The following DYRK4 variants were observed in gnomAD, a reference collection of about 807,000 sequenced individuals.
DYRK4 encodes the protein dual specificity tyrosine phosphorylation regulated kinase 4, also known as dual specificity tyrosine-phosphorylation-regulated kinase 4.
Under a neutral mutation model 68.3 loss-of-function variants are expected in DYRK4, and 64 were observed. The ratio of observed to expected loss-of-function variants is 0.94; its 90% CI spans 0.77 to 1.15. The LOEUF is 1.15. DYRK4 is among the 50% of genes most tolerant of loss of function. The pLI is 0.00. For synonymous variants in DYRK4, 274 were observed against 289.9 expected (o/e 0.95, Z 0.56); for missense variants, 740 against 764.7 (o/e 0.97, Z 0.38).
At chr12:4,576,181 T>G (rs1444018484) in intron 2 of DYRK4, among the ~76,000 whole-genome samples, 1 of 152,228 alleles carries the variant, frequency 6.6e-6, no homozygotes, top group African/African-American at 2.4e-5. Flanking sequence ...CTATTCATCC[T>G]TTCCCCCCAA....
chr12:4,580,267 G>A (rs544453716), intron 2 of DYRK4, among the ~76,000 whole-genome samples: 69 of 152,240 alleles, frequency 4.5e-4, no homozygotes, highest in Non-Finnish European at 6.6e-4. Flanking sequence ...CCCCAGGGAG[G>A]CTACTACATC....
chr12:4,562,374 A>G (rs1591779007), intron 1 of DYRK4, 91 bp downstream of exon 1: 2 of 1,439,758 alleles, frequency 1.4e-6, no homozygotes, highest in Non-Finnish European at 1.8e-6. Context: ...TCGTGGGGGG[A>G]GAATGAAAAG....
Position 4,596,682 on chromosome 12 carries a change from C to G in DYRK4, c.858C>G (p.Asp286Glu). 1 of 1,614,216 alleles carries G rather than the reference C, an allele frequency of 6.2e-7. No individual in the cohort carries two copies. Among genetic ancestry groups the G allele is most frequent in the Non-Finnish European group, 8.5e-7 (1 of 1,180,048 alleles). ...DNTYNVVHMK[D>E]FFYFRNHFCI... ...CCTACAATGTGGTGCATATGAAGGA[C>G]TTTTTCTACTTTCGCAATCACTTCT... Residue 286 changes from aspartate (D) to glutamate (E), a missense_variant, in exon 8 of 15, where the codon GAC (aspartate) becomes GAG (glutamate). Transcript: ENST00000543431.
intron 8 of DYRK4, 87 bp downstream of exon 8, chr12:4,596,816 G>A: frequency 6.3e-7 from 1 of 1,584,200 alleles, no homozygotes; most frequent in Admixed American, 1.9e-5. Flanking sequence ...GATTTCTCTG[G>A]ATGTGAATAT....
At chr12:4,607,205 AT>A in intron 11 of DYRK4, 121 bp from the exon 12 acceptor site, 1 of 1,077,614 alleles carries the variant, frequency 9.3e-7, no homozygotes. Context: ...ACCAGATGTT[AT>A]TACTTAATGC....
intron 2 of DYRK4, among the ~76,000 whole-genome samples, chr12:4,578,564 A>G (rs973738166): frequency 1.3e-5 from 2 of 152,208 alleles, no homozygotes; most frequent in Non-Finnish European, 2.9e-5. Flanking sequence ...TATAAGTTTT[A>G]CCTGATAATT....
At chr12:4,576,942 C>T (rs1328447021) in intron 2 of DYRK4, among the ~76,000 whole-genome samples, 1 of 152,134 alleles carries the variant, frequency 6.6e-6, no homozygotes, top group Non-Finnish European at 1.5e-5. Context: ...ATATTTTCTA[C>T]CAGTCTATGG....
intron 2 of DYRK4, among the ~76,000 whole-genome samples, chr12:4,579,934 C>T (rs920626024): frequency 1.3e-5 from 2 of 152,132 alleles, no homozygotes; most frequent in East Asian, 1.9e-4. Context: ...AGTAAAATGA[C>T]GCTAGAGGGC....
intron 6 of DYRK4, 85 bp from the exon 7 acceptor site, chr12:4,596,064 C>G: frequency 6.9e-7 from 1 of 1,459,136 alleles, no homozygotes; most frequent in Non-Finnish European, 9.4e-7. Flanking sequence ...GAGCCATAAT[C>G]TGGGGATGGG....
chr12:4,562,222 C>G lies in DYRK4; in HGVS notation c.-24C>G. 2.6e-6 allele frequency: 4 copies of G among 1,522,642 alleles called. No homozygotes were observed. Among genetic ancestry groups the G allele is most frequent in the Non-Finnish European group, 3.5e-6 (4 of 1,140,262 alleles). The allele number at this position is 1,522,642 out of a possible 1,614,324, so 94.3% of individuals were successfully genotyped here. A position where few individuals can be genotyped will look rare whatever the true frequency, so the allele number is the denominator to read the frequency against. ...GCCGGGCTCTCACAGCCTCCCGCAG[C>G]GGCGGGCGGTCAGCGCCGGCCTCAT... On this transcript the variant is annotated 5_prime_UTR_variant, in exon 1 of 15. Coordinates refer to ENST00000543431, the MANE Select transcript of DYRK4 (RefSeq NM_001394779.1).
chr12:4,567,619 T>C (rs1944690489), intron 1 of DYRK4, among the ~76,000 whole-genome samples: 1 of 152,232 alleles, frequency 6.6e-6, no homozygotes, highest in Non-Finnish European at 1.5e-5. Flanking sequence ...AAGTAGCCCA[T>C]GAATACGCCC....
chr12:4,593,746 T>C (rs558076079), intron 6 of DYRK4, among the ~76,000 whole-genome samples: 3 of 152,296 alleles, frequency 2.0e-5, no homozygotes, highest in African/African-American at 7.2e-5. Context: ...AGCTGAGCAG[T>C]GATTCCCAGG....
intron 2 of DYRK4, among the ~76,000 whole-genome samples, chr12:4,586,075 T>C (rs1944893373): frequency 1.3e-5 from 2 of 152,174 alleles, no homozygotes; most frequent in South Asian, 4.1e-4. Flanking sequence ...AAATAAAAAT[T>C]AGCTGGGCTT....
intron 5 of DYRK4, 84 bp from the exon 6 acceptor site, chr12:4,592,917 AC>A: frequency 6.6e-7 from 1 of 1,523,506 alleles, no homozygotes; most frequent in Non-Finnish European, 8.9e-7. Context: ...ATGGCTCGTG[AC>A]CTGGAAGGGA....
chr12:4,581,069 A>G (rs1591791515), intron 2 of DYRK4: 1 of 317,480 alleles, frequency 3.1e-6, no homozygotes, highest in Non-Finnish European at 6.2e-6. Context: ...GACCAGTCCT[A>G]TTATCCTTTG....
chr12:4,582,581 G>A (rs1046531033), intron 2 of DYRK4, among the ~76,000 whole-genome samples: 2 of 152,226 alleles, frequency 1.3e-5, no homozygotes, highest in African/African-American at 4.8e-5. Flanking sequence ...ACAGGGTAGC[G>A]AGTGGCTTAC....
chr12:4,587,339 GC>G (rs1031970298), intron 2 of DYRK4, among the ~76,000 whole-genome samples: 5 of 152,090 alleles, frequency 3.3e-5, no homozygotes, highest in Non-Finnish European at 5.9e-5. Context: ...TCAGAAGAGC[GC>G]CCCCTCTACC....
intron 1 of DYRK4, among the ~76,000 whole-genome samples, chr12:4,562,683 T>C (rs1440317747): frequency 2.0e-5 from 3 of 152,170 alleles, no homozygotes; most frequent in African/African-American, 7.2e-5. Context: ...CTCTTGGTAG[T>C]CGTAAGTGGG....
rs1190419822 is a variant in DYRK4, at chr12:4,590,198, A to G, written c.214-132A>G. On this transcript the variant is annotated intron_variant, in intron 3 of 14. Transcript: ENST00000543431. ...GCATTTCTTGCCAAGAACTTTAAGA[A>G]TAGGTTTAGGTCCAGATTGGGGTTA... 4.3e-6 allele frequency: 6 copies of G among 1,399,868 alleles called. No individual in the cohort carries two copies. The East Asian group carries it at 8.2e-5, about 19-fold the overall frequency. The allele number at this position is 1,399,868 out of a possible 1,614,324, so 86.7% of individuals were successfully genotyped here.
Sources: gnomAD v4.1 joint callset for allele counts (sites outside exome capture counted in the v4.1 genomes callset) on GRCh38, gnomAD v4.1.1 for gene constraint, MANE v1.5 for transcripts, NCBI Gene and HGNC (gene_info 2026-07-23, HGNC 2026-07-21) for gene names.